Variants in FRA10AC1 observed in about 807,000 individuals in gnomAD.
FRA10AC1 encodes protein FRA10AC1.
Under a neutral mutation model 56.5 loss-of-function variants are expected in FRA10AC1, and 43 were observed. The ratio of observed to expected loss-of-function variants is 0.76; its 90% CI spans 0.60 to 0.98. The LOEUF is 0.98. FRA10AC1 is among the 50% of genes least tolerant of loss of function. The pLI is 0.00. For synonymous variants in FRA10AC1, 112 were observed against 110.5 expected, an observed-to-expected ratio of 1.01 and a Z score of -0.09; for missense variants, 346 against 351.8, an observed-to-expected ratio of 0.98 and a Z score of 0.13.
intron 10 of FRA10AC1, among the ~76,000 whole-genome samples, chr10:93,683,074 A>G (rs990846599): frequency 6.6e-6 from 1 of 152,232 alleles, no homozygotes; most frequent in African/African-American, 2.4e-5. Context: ...CAAGTTGCGA[A>G]GAATCAGTGT....
intron 6 of FRA10AC1, among the ~76,000 whole-genome samples, 165 bp downstream of exon 6, chr10:93,692,481 T>C (rs1189008645): frequency 6.6e-6 from 1 of 152,186 alleles, no homozygotes; most frequent in Non-Finnish European, 1.5e-5. Flanking sequence ...CAGTTAAAAC[T>C]GCCAAAAATT....
intron 13 of FRA10AC1, 52 bp downstream of exon 13, chr10:93,670,718 C>G: frequency 8.5e-7 from 1 of 1,182,146 alleles, no homozygotes; most frequent in Non-Finnish European, 1.3e-6. Flanking sequence ...GTGGTTATAG[C>G]TTCCTAAACT....
intron 2 of FRA10AC1, 50 bp downstream of exon 2, chr10:93,699,980 T>G (rs1564823604): frequency 3.1e-6 from 3 of 979,404 alleles, no homozygotes; most frequent in Non-Finnish European, 4.8e-6. Context: ...ATACTTCATA[T>G]TAATCTAGAA....
At chr10:93,700,672 T>C (rs571035969) in intron 1 of FRA10AC1, among the ~76,000 whole-genome samples, 1 of 152,350 alleles carries the variant, frequency 6.6e-6, no homozygotes, top group African/African-American at 2.4e-5. Context: ...TGATTTACTA[T>C]ATTCCAGGAG....
At chr10:93,698,948 T>C (rs1460006099) in intron 2 of FRA10AC1, among the ~76,000 whole-genome samples, 2 of 152,160 alleles carry the variant, frequency 1.3e-5, no homozygotes, top group Non-Finnish European at 2.9e-5. Context: ...CTATCATTAG[T>C]GTATTTTACG....
At chr10:93,693,395 T>A (rs903586659) in intron 5 of FRA10AC1, among the ~76,000 whole-genome samples, 2 of 148,392 alleles carry the variant, frequency 1.3e-5, no homozygotes, top group Non-Finnish European at 3.0e-5. Context: ...ACACACACTA[T>A]AGCAGCACAA....
chr10:93,689,249 C>T (rs1299371997), intron 7 of FRA10AC1, among the ~76,000 whole-genome samples: 4 of 151,728 alleles, frequency 2.6e-5, no homozygotes, highest in Admixed American at 1.3e-4. Context: ...CAAGAGCCAC[C>T]GTGCCTGGCA....
chr10:93,700,925 C>T (rs1226891666), intron 1 of FRA10AC1, among the ~76,000 whole-genome samples: 1 of 152,112 alleles, frequency 6.6e-6, no homozygotes, highest in Non-Finnish European at 1.5e-5. Flanking sequence ...ACCTCCTGGG[C>T]TCAATCAATC....
chr10:93,686,745 A>G (rs182917487), intron 8 of FRA10AC1, among the ~76,000 whole-genome samples: 118 of 151,940 alleles, frequency 7.8e-4, no homozygotes, highest in Middle Eastern at 3.4e-3. Flanking sequence ...CCTTAGTGCT[A>G]CTATATAGTT....
chr10:93,695,138 G>T (rs1226300373), intron 4 of FRA10AC1, among the ~76,000 whole-genome samples: 1 of 151,960 alleles, frequency 6.6e-6, no homozygotes, highest in African/African-American at 2.4e-5. Context: ...TAAAGTACAG[G>T]CTTTCTTTTG....
At chr10:93,699,840 A>T (rs1032237718) in intron 2 of FRA10AC1, among the ~76,000 whole-genome samples, 190 bp downstream of exon 2, 1 of 152,238 alleles carries the variant, frequency 6.6e-6, no homozygotes, top group African/African-American at 2.4e-5. Flanking sequence ...TTGCAGAATT[A>T]ATTTTTATTT....
chr10:93,683,211 G>A (rs1167964981), intron 10 of FRA10AC1, among the ~76,000 whole-genome samples: 1 of 152,154 alleles, frequency 6.6e-6, no homozygotes, highest in South Asian at 2.1e-4. Flanking sequence ...TAAGCAGTTT[G>A]CCCAAGAAGA....
chr10:93,684,693 C>T (rs892060608), intron 9 of FRA10AC1, among the ~76,000 whole-genome samples: 1 of 152,034 alleles, frequency 6.6e-6, no homozygotes, highest in Admixed American at 6.6e-5. Context: ...GCTAGAGGAA[C>T]AGCTGACACA....
chr10:93,677,127 G>C (rs1297833828), intron 11 of FRA10AC1, among the ~76,000 whole-genome samples: 2 of 152,024 alleles, frequency 1.3e-5, no homozygotes, highest in African/African-American at 4.8e-5. Context: ...CTCAGAAACT[G>C]ATAAGAACAC....
intron 11 of FRA10AC1, 64 bp from the exon 12 acceptor site, chr10:93,676,755 T>C (rs2133899910): frequency 6.8e-7 from 1 of 1,481,326 alleles, no homozygotes; most frequent in Non-Finnish European, 9.0e-7. Flanking sequence ...ATTGTAGCTA[T>C]AACCAGAATT....
chr10:93,682,742 C>A (rs1366205705), intron 10 of FRA10AC1, among the ~76,000 whole-genome samples: 1 of 152,116 alleles, frequency 6.6e-6, no homozygotes, highest in East Asian at 1.9e-4. Context: ...GAGGCTGAGG[C>A]TGCAATGAGC....
chr10:93,670,844 G>A lies in FRA10AC1; in HGVS notation c.831C>T (p.Asn277=), dbSNP rs1405628996. ...SKKSEDSLLR[N]SDEEESASES... ...CTGAAGCACTTTCTTCCTCATCAGA[G>A]TTTCCTGTTCATTTAAAAAAGATGA... Residue 277 remains asparagine (N), a synonymous_variant, in exon 13 of 14, where the codon AAC becomes AAT. Transcript: ENST00000359204. 3 of 1,606,580 alleles carry A rather than the reference G, an allele frequency of 1.9e-6. No homozygotes were observed. Among genetic ancestry groups the A allele is most frequent in the Non-Finnish European group, 2.6e-6 (3 of 1,173,816 alleles).
At chr10:93,670,388 T>C (rs917762011) in intron 13 of FRA10AC1, among the ~76,000 whole-genome samples, 3 of 152,206 alleles carry the variant, frequency 2.0e-5, no homozygotes, top group Middle Eastern at 3.4e-3. Context: ...TTATTTTACT[T>C]TTTAAAAGAC....
intron 12 of FRA10AC1, chr10:93,675,668 G>A (rs1589714856): frequency 2.7e-6 from 1 of 377,118 alleles, no homozygotes; most frequent in East Asian, 9.3e-5. Context: ...TCGCGCCACT[G>A]CACTCCAACC....
Sources: gnomAD v4.1 joint callset for allele counts (sites outside exome capture counted in the v4.1 genomes callset) on GRCh38, gnomAD v4.1.1 for gene constraint, MANE v1.5 for transcripts, NCBI Gene and HGNC (gene_info 2026-07-23, HGNC 2026-07-21) for gene names.